Variants in NARS2 observed in about 807,000 individuals in gnomAD.
NARS2 encodes the protein asparaginyl-tRNA synthetase.
In NARS2, 60 loss-of-function variants were observed where a neutral mutation model predicts 62.9. The ratio of observed to expected loss-of-function variants is 0.95; its 90% confidence interval spans 0.77 to 1.18. The LOEUF is 1.18. Ranked by LOEUF, NARS2 falls within the 50% of genes most tolerant of loss-of-function variation. The probability of loss-of-function intolerance (pLI) is 0.00; values close to 1 mark genes in which losing one functional copy is unlikely to be tolerated. For synonymous variants in NARS2, 196 were observed against 200.0 expected, an observed-to-expected ratio of 0.98 and a Z score of 0.17; for missense variants, 619 against 576.4, an observed-to-expected ratio of 1.07 and a Z score of -0.76.
chr11:78,478,500 A>C lies in NARS2; in HGVS notation c.922-25T>G, dbSNP rs1391612070. 22 of 1,224,294 alleles carry C rather than the reference A, an allele frequency of 1.8e-5. No homozygotes were observed. The East Asian group carries it at 5.8e-4, about 32-fold the overall frequency. The allele number at this position is 1,224,294 out of a possible 1,614,324, so 75.8% of individuals were successfully genotyped here. On this transcript the variant is annotated intron_variant, in intron 8 of 13. Coordinates refer to ENST00000281038, the MANE Select transcript of NARS2 (RefSeq NM_024678.6). ...CCTTAATAAAAAGACAAAAAAGAAA[A>C]TTTTAAAAATATAATTTTATTCATT... is the stretch of plus-strand genomic sequence containing the variant.
chr11:78,449,081 G>A (rs1485133530), intron 11 of NARS2, among the ~76,000 whole-genome samples: 1 of 148,022 alleles, frequency 6.8e-6, no homozygotes, highest in Non-Finnish European at 1.5e-5. Context: ...CAACTGCACA[G>A]TTATAGTTGT....
At chr11:78,560,523 C>T (rs1463615189) in intron 4 of NARS2, among the ~76,000 whole-genome samples, 7 of 152,202 alleles carry the variant, frequency 4.6e-5, no homozygotes, top group Non-Finnish European at 2.9e-5. Context: ...ATAGTACATG[C>T]TTAATGCAAA....
In NARS2 at chr11:78,436,789, A is replaced by G. The variant is rs775587143; in HGVS notation, c.1315T>C (p.Ser439Pro). ...ATCCCAAAACCTCCATGTGGCACAG[A>G]TCCAAATCGACGAAGGTCCAGATAC... The part of the protein sequence containing the change: ...QWYLDLRRFG[S>P]VPHGGFGMGF... The change falls in exon 14 of 14, where the codon TCT becomes CCT. Residue 439 changes from serine to proline, a missense_variant. Ser to Pro is a moderately conservative substitution (Grantham distance 74). Coordinates refer to ENST00000281038, the MANE Select transcript of NARS2 (RefSeq NM_024678.6). 2.5e-5 allele frequency: 40 copies of G among 1,614,112 alleles called. No homozygotes were observed. The Admixed American group carries it at 4.7e-4, about 19-fold the overall frequency.
At chr11:78,573,043 C>T (rs1472356008) in intron 1 of NARS2, 1 of 152,156 alleles carries the variant, frequency 6.6e-6, no homozygotes, top group African/African-American at 2.4e-5. Context: ...TCTTGACTAG[C>T]ACACAAAGTA....
chr11:78,531,861 T>C (rs1287304958), intron 5 of NARS2, among the ~76,000 whole-genome samples: 1 of 152,126 alleles, frequency 6.6e-6, no homozygotes, highest in Non-Finnish European at 1.5e-5. Flanking sequence ...ATGAGAGTCA[T>C]GGTTTGTGTA....
chr11:78,510,567 G>T (rs1590796296), intron 6 of NARS2, among the ~76,000 whole-genome samples: 1 of 152,056 alleles, frequency 6.6e-6, no homozygotes, highest in Non-Finnish European at 1.5e-5. Flanking sequence ...TAACTAAAAA[G>T]AGAGAGAGAG....
chr11:78,465,363 C>T (rs1236782865), intron 11 of NARS2, among the ~76,000 whole-genome samples: 1 of 152,262 alleles, frequency 6.6e-6, no homozygotes. Flanking sequence ...AGTGCAGTGG[C>T]AGGCTGAAGG....
intron 11 of NARS2, among the ~76,000 whole-genome samples, chr11:78,464,431 G>A (rs1308147260): frequency 1.3e-5 from 2 of 152,180 alleles, no homozygotes; most frequent in Non-Finnish European, 2.9e-5. Flanking sequence ...CCTGCTGATT[G>A]GTAGAGCAGA....
rs138878058 is a variant in NARS2 at position 78,446,594 on chromosome 11, C to T, written c.1165-2836G>A. ...ATCAACTTTGGAAAAGAATAGTCAACCAGTGGCTCTCTGGCTTCTGCTTGA... is the reference window on the plus strand; with the variant it reads ...ATCAACTTTGGAAAAGAATAGTCAATCAGTGGCTCTCTGGCTTCTGCTTGA... On this transcript the variant is annotated intron_variant, in intron 11 of 13. Coordinates refer to ENST00000281038, the MANE Select transcript of NARS2 (RefSeq NM_024678.6). Among the ~76,000 whole-genome samples the T allele has an allele frequency of 6.1e-3, 929 of 152,220 alleles. 6 individuals carry two copies. The highest frequency in any genetic ancestry group is 0.021 in the African/African-American group (869 of 41,534).
intron 11 of NARS2, among the ~76,000 whole-genome samples, chr11:78,462,519 A>G (rs960999911): frequency 1.3e-5 from 2 of 152,244 alleles, no homozygotes; most frequent in African/African-American, 2.4e-5. Flanking sequence ...GTGGAAAAAA[A>G]CACAGACTTT....
chr11:78,554,602 G>A (rs927176239), intron 5 of NARS2, among the ~76,000 whole-genome samples: 3 of 151,814 alleles, frequency 2.0e-5, no homozygotes, highest in Admixed American at 1.3e-4. Flanking sequence ...GAATGTTAGT[G>A]ATTTTTGTAT....
chr11:78,567,044 C>A (rs535989077), intron 3 of NARS2, among the ~76,000 whole-genome samples: 1 of 152,192 alleles, frequency 6.6e-6, no homozygotes, highest in East Asian at 1.9e-4. Context: ...GAAAATGTGA[C>A]CATATCATAA....
intron 9 of NARS2, among the ~76,000 whole-genome samples, chr11:78,473,218 A>G (rs983892584): frequency 6.6e-6 from 1 of 152,250 alleles, no homozygotes; most frequent in Non-Finnish European, 1.5e-5. Context: ...CTTTCAAACA[A>G]CAAAAGGACT....
intron 4 of NARS2, among the ~76,000 whole-genome samples, chr11:78,561,388 G>A (rs1856551239): frequency 6.6e-6 from 1 of 152,164 alleles, no homozygotes; most frequent in Admixed American, 6.5e-5. Context: ...GGTTTCCAGT[G>A]TCACTTATTT....
At chr11:78,460,699 G>C (rs1858360254) in intron 11 of NARS2, among the ~76,000 whole-genome samples, 1 of 152,158 alleles carries the variant, frequency 6.6e-6, no homozygotes, top group African/African-American at 2.4e-5. Flanking sequence ...CAAATTTGCT[G>C]GGAGGAGAGG....
intron 7 of NARS2, among the ~76,000 whole-genome samples, chr11:78,488,842 C>G (rs6592780): frequency 0.25 from 37,772 of 151,908 alleles, 5,133 homozygotes; most frequent in East Asian, 0.42. Flanking sequence ...CAATTCAATA[C>G]ATGAAGTTTA....
At chr11:78,563,851 A>AAAATATAT (rs1404770578) in intron 4 of NARS2, among the ~76,000 whole-genome samples, 1 of 34,024 alleles carries the variant, frequency 2.9e-5, no homozygotes, top group African/African-American at 9.4e-5. Context: ...AAAAAAAAAA[A>AAAATATAT]ATATATATAT....
At chr11:78,552,800 T>C (rs1856176561) in intron 5 of NARS2, among the ~76,000 whole-genome samples, 1 of 152,182 alleles carries the variant, frequency 6.6e-6, no homozygotes, top group Non-Finnish European at 1.5e-5. Flanking sequence ...CAAGCTGCAC[T>C]CGGACCACCT....
At chr11:78,477,256 C>A (rs1255663043) in intron 9 of NARS2, among the ~76,000 whole-genome samples, 3 of 152,112 alleles carry the variant, frequency 2.0e-5, no homozygotes, top group African/African-American at 7.2e-5. Flanking sequence ...TCTTATAAAA[C>A]TCCAGACCCA....
Sources: allele counts gnomAD v4.1 joint callset (sites outside exome capture counted in the v4.1 genomes callset), GRCh38; gene constraint gnomAD v4.1.1; transcripts MANE v1.5; gene names NCBI Gene and HGNC (gene_info 2026-07-23, HGNC 2026-07-21).